The following KIAA0319 variants were observed in gnomAD, a reference collection of about 807,000 sequenced individuals.
KIAA0319 encodes dyslexia-associated protein KIAA0319.
Under a neutral mutation model 108.4 loss-of-function variants are expected in KIAA0319, and 83 were observed. That is an observed-to-expected ratio of 0.77 (90% CI 0.64 to 0.92). The LOEUF is 0.92. Ranked by LOEUF, KIAA0319 falls within the 40% of genes least tolerant of loss-of-function variation. The probability of loss-of-function intolerance (pLI) is 0.00; values close to 1 mark genes in which losing one functional copy is unlikely to be tolerated. For synonymous variants in KIAA0319, 484 were observed against 510.4 expected (o/e 0.95, Z 0.70); for missense variants, 1,195 against 1,322.4 (o/e 0.90, Z 1.49).
downstream of KIAA0319, among the ~76,000 whole-genome samples, chr6:24,543,878 C>A (rs1760313525): frequency 6.6e-6 from 1 of 152,248 alleles, no homozygotes; most frequent in Admixed American, 6.5e-5. Context: ...GAGAACCACC[C>A]ACACAGAGGA....
chr6:24,591,343 C>G (rs921035424), intron 3 of KIAA0319, among the ~76,000 whole-genome samples: 3 of 152,168 alleles, frequency 2.0e-5, no homozygotes, highest in African/African-American at 7.2e-5. Context: ...CATAATTGCT[C>G]ACACCTGTAA....
intron 1 of KIAA0319, among the ~76,000 whole-genome samples, chr6:24,629,742 G>A (rs187779591): frequency 6.6e-6 from 1 of 152,094 alleles, no homozygotes; most frequent in Non-Finnish European, 1.5e-5. Flanking sequence ...TTTAATGAAG[G>A]AGATTAGTGT....
chr6:24,556,614 G>T lies in KIAA0319; in HGVS notation c.2850C>A (p.Ser950Arg). The change falls in exon 18 of 21, where the codon AGC (serine) becomes AGA (arginine). Residue 950 changes from serine to arginine, a missense_variant. By Grantham distance (110) the Ser-to-Arg change is moderately radical. Transcript: ENST00000378214. ...LIQRYIWDGE[S>R]NCEWSIFYVT... ...CTCTATACCAGAACTCACCACAGTTGCTCTCTCCATCCCAGATATAACGCT... is the reference window on the plus strand; with the variant it reads ...CTCTATACCAGAACTCACCACAGTTTCTCTCTCCATCCCAGATATAACGCT... 6.2e-7 allele frequency: 1 copy of T among 1,613,762 alleles called. No homozygotes were observed.
At chr6:24,596,751 A>G in intron 2 of KIAA0319, 133 bp from the exon 3 acceptor site, 1 of 750,414 alleles carries the variant, frequency 1.3e-6, no homozygotes, top group Admixed American at 2.8e-5. Context: ...TCAGCATTTC[A>G]CACAGAAAGA....
At chr6:24,645,395 G>A (rs1777490078) in intron 1 of KIAA0319, among the ~76,000 whole-genome samples, 2 of 152,186 alleles carry the variant, frequency 1.3e-5, no homozygotes, top group Admixed American at 1.3e-4. Flanking sequence ...TTAAGCTTCA[G>A]GTTATGGTAA....
At chr6:24,616,483 G>A (rs1389677962) in intron 1 of KIAA0319, among the ~76,000 whole-genome samples, 4 of 152,064 alleles carry the variant, frequency 2.6e-5, no homozygotes, top group African/African-American at 4.8e-5. Context: ...TCAGCCTCCC[G>A]AGTGGCTGGG....
intron 10 of KIAA0319, among the ~76,000 whole-genome samples, chr6:24,574,537 T>G (rs1765193458): frequency 6.6e-6 from 1 of 152,214 alleles, no homozygotes; most frequent in South Asian, 2.1e-4. Flanking sequence ...CTTGGTGACC[T>G]CAGGTTAATA....
At position 24,599,140 on chromosome 6, in the gene KIAA0319, T is replaced by G; in HGVS notation, c.55+1909A>C. On this transcript the variant is annotated intron_variant, in intron 2 of 20. Coordinates refer to ENST00000378214, the MANE Select transcript of KIAA0319 (RefSeq NM_014809.4). This position sits in a 1 kb window ranked among gnomAD's most constrained non-coding sequence, Gnocchi z 4.1. ...GACATGGACAGCATCATTGCTGAGG[T>G]CAAGGCCCAGTACAAGGAGATCACC... 1 of 632,306 alleles carries G rather than the reference T, an allele frequency of 1.6e-6. No homozygotes were observed. The highest frequency in any genetic ancestry group is 2.9e-6 in the Non-Finnish European group (1 of 350,134). 39.2% of individuals were successfully genotyped at this position (632,306 alleles called of 1,614,324 possible). A position where few individuals can be genotyped will look rare whatever the true frequency, so the allele number is the denominator to read the frequency against.
chr6:24,551,832 C>T (rs1344535140), intron 19 of KIAA0319, among the ~76,000 whole-genome samples: 1 of 152,138 alleles, frequency 6.6e-6, no homozygotes, highest in Non-Finnish European at 1.5e-5. Flanking sequence ...AGCTCTTCTT[C>T]CTGAGTAATT....
chr6:24,619,320 T>A (rs1271420737), intron 1 of KIAA0319, among the ~76,000 whole-genome samples: 1 of 152,144 alleles, frequency 6.6e-6, no homozygotes, highest in African/African-American at 2.4e-5. Flanking sequence ...GACGGTGTCT[T>A]GCACCAAGGT....
chr6:24,640,300 G>A (rs1177663305), intron 1 of KIAA0319, among the ~76,000 whole-genome samples: 1 of 152,130 alleles, frequency 6.6e-6, no homozygotes. Context: ...GAGATGAGAT[G>A]AGGGCATTAG....
At chr6:24,582,658 T>TC (rs1766773142) in intron 5 of KIAA0319, among the ~76,000 whole-genome samples, 1 of 88,184 alleles carries the variant, frequency 1.1e-5, no homozygotes, top group African/African-American at 6.3e-5. Context: ...ATGTATAAAG[T>TC]TAAAAAAAAA....
chr6:24,552,548 G>A (rs957916471), intron 19 of KIAA0319, among the ~76,000 whole-genome samples: 2 of 152,180 alleles, frequency 1.3e-5, no homozygotes, highest in Non-Finnish European at 2.9e-5. Context: ...CTTTGGGAAC[G>A]TAATCACAAA....
chr6:24,643,005 C>T (rs1345373742), intron 1 of KIAA0319, among the ~76,000 whole-genome samples: 1 of 152,182 alleles, frequency 6.6e-6, no homozygotes, highest in Non-Finnish European at 1.5e-5. Flanking sequence ...ACCGCGTTCC[C>T]AGCCTCCTTT....
chr6:24,570,146 G>A, intron 11 of KIAA0319, 111 bp from the exon 12 acceptor site: 1 of 998,202 alleles, frequency 1.0e-6, no homozygotes, highest in Non-Finnish European at 1.5e-6. Context: ...GCAGCCACTA[G>A]AGTATGCAGC....
chr6:24,542,576 A>G (rs904935100), downstream of KIAA0319, among the ~76,000 whole-genome samples: 1 of 152,124 alleles, frequency 6.6e-6, no homozygotes, highest in Non-Finnish European at 1.5e-5. Flanking sequence ...TCTACAAAAA[A>G]TTAGTCCACA....
chr6:24,643,015 T>A (rs1777167167), intron 1 of KIAA0319, among the ~76,000 whole-genome samples: 1 of 152,214 alleles, frequency 6.6e-6, no homozygotes, highest in Non-Finnish European at 1.5e-5. Context: ...CAGCCTCCTT[T>A]GCTTTTTTGA....
chr6:24,602,200 A>G (rs760190975), intron 1 of KIAA0319, among the ~76,000 whole-genome samples: 5 of 152,146 alleles, frequency 3.3e-5, no homozygotes, highest in Admixed American at 6.5e-5. Flanking sequence ...TATTTTTAGT[A>G]GAGACGGGGT....
chr6:24,543,491 A>C (rs1760285601), downstream of KIAA0319, among the ~76,000 whole-genome samples: 1 of 151,876 alleles, frequency 6.6e-6, no homozygotes, highest in African/African-American at 2.4e-5. Flanking sequence ...GGAGTGGCCC[A>C]GTCTCTGCTC....
Sources: gnomAD v4.1 joint callset for allele counts (sites outside exome capture counted in the v4.1 genomes callset) on GRCh38, gnomAD v4.1.1 for gene constraint, Gnocchi (gnomAD v3.1) non-coding constraint, MANE v1.5 for transcripts, NCBI Gene and HGNC (gene_info 2026-07-23, HGNC 2026-07-21) for gene names.